KCNIP1: variants seen among roughly 807,000 people sequenced by gnomAD.
KCNIP1 encodes A-type potassium channel modulatory protein KCNIP1.
A neutral mutation model predicts 33.0 loss-of-function variants in KCNIP1; 18 were observed. The observed-to-expected ratio is 0.55, with a 90% confidence interval of 0.38 to 0.81. The LOEUF (loss-of-function observed/expected upper bound fraction) is 0.81. Among genes scored for constraint, KCNIP1 ranks in the 30% least tolerant of loss-of-function variants. The pLI is 0.00. For synonymous variants in KCNIP1, 93 were observed against 98.3 expected, an observed-to-expected ratio of 0.95 and a Z score of 0.32; for missense variants, 238 against 271.6, an observed-to-expected ratio of 0.88 and a Z score of 0.87.
At chr5:170,671,102 C>T (rs981955237) in intron 1 of KCNIP1, among the ~76,000 whole-genome samples, 8 of 152,038 alleles carry the variant, frequency 5.3e-5, no homozygotes, top group Admixed American at 5.2e-4. Context: ...ACCTTGTCCC[C>T]CATTCTGTTC....
At chr5:170,505,252 G>C (rs1455490375) in intron 1 of KCNIP1, among the ~76,000 whole-genome samples, 1 of 152,164 alleles carries the variant, frequency 6.6e-6, no homozygotes, top group Non-Finnish European at 1.5e-5. Flanking sequence ...GCATAATATC[G>C]TGGAGTCTCT....
intron 2 of KCNIP1, 51 bp from the exon 3 acceptor site, chr5:170,720,267 TCTC>T (rs1561782926): frequency 3.1e-6 from 4 of 1,306,832 alleles, no homozygotes; most frequent in African/African-American, 1.5e-5. Flanking sequence ...GGCCCAGTCT[TCTC>T]CTAGTGCTGG....
At chr5:170,371,157 C>A (rs565051769) in intron 1 of KCNIP1, among the ~76,000 whole-genome samples, 1 of 152,202 alleles carries the variant, frequency 6.6e-6, no homozygotes, top group East Asian at 1.9e-4. Flanking sequence ...AGGATCGCTG[C>A]AACCATGGTG....
chr5:170,625,213 A>G (rs1249779310), intron 1 of KCNIP1, among the ~76,000 whole-genome samples: 1 of 152,068 alleles, frequency 6.6e-6, no homozygotes, highest in Admixed American at 6.5e-5. Flanking sequence ...CAGGAAAGTC[A>G]CAAACCCTTG....
intron 1 of KCNIP1, among the ~76,000 whole-genome samples, chr5:170,437,976 C>T (rs966108568): frequency 6.6e-5 from 10 of 152,222 alleles, no homozygotes; most frequent in Non-Finnish European, 1.0e-4. Flanking sequence ...CATTCCTAGC[C>T]TTGGTCCCTC....
At chr5:170,602,980 T>C (rs1178060178) in intron 1 of KCNIP1, among the ~76,000 whole-genome samples, 2 of 152,118 alleles carry the variant, frequency 1.3e-5, no homozygotes, top group Non-Finnish European at 2.9e-5. Context: ...GGATGGCAGA[T>C]CAGAAAGAGA....
At chr5:170,475,894 G>C (rs1240526578) in intron 1 of KCNIP1, among the ~76,000 whole-genome samples, 1 of 152,102 alleles carries the variant, frequency 6.6e-6, no homozygotes, top group Non-Finnish European at 1.5e-5. Flanking sequence ...TCAGGAGTAG[G>C]TTGAGGGGTG....
chr5:170,521,788 C>A (rs1755372443), intron 1 of KCNIP1, among the ~76,000 whole-genome samples: 1 of 152,202 alleles, frequency 6.6e-6, no homozygotes, highest in African/African-American at 2.4e-5. Flanking sequence ...TTTAGGGTAA[C>A]CCTAGCTGCT....
intron 1 of KCNIP1, among the ~76,000 whole-genome samples, chr5:170,673,434 G>A (rs1489397642): frequency 1.3e-5 from 2 of 152,206 alleles, no homozygotes; most frequent in Non-Finnish European, 2.9e-5. Context: ...CCAACACAAC[G>A]ATACAGTGAC....
intron 1 of KCNIP1, among the ~76,000 whole-genome samples, chr5:170,665,639 A>G (rs1303428039): frequency 1.3e-5 from 2 of 152,228 alleles, no homozygotes; most frequent in African/African-American, 2.4e-5. Context: ...GCTCAAGTCC[A>G]TACTTAACTC....
intron 1 of KCNIP1, among the ~76,000 whole-genome samples, chr5:170,394,382 C>T (rs1561603805): frequency 1.3e-5 from 2 of 152,178 alleles, no homozygotes; most frequent in African/African-American, 4.8e-5. Flanking sequence ...AAATCAGGGA[C>T]TGGAACCGTT....
At chr5:170,677,835 A>T (rs1762202772) in intron 1 of KCNIP1, among the ~76,000 whole-genome samples, 1 of 152,196 alleles carries the variant, frequency 6.6e-6, no homozygotes, top group Non-Finnish European at 1.5e-5. Flanking sequence ...GGGGAAAAAA[A>T]AATGCCTGTC....
chr5:170,629,220 G>A (rs1759955520), intron 1 of KCNIP1, among the ~76,000 whole-genome samples: 1 of 152,238 alleles, frequency 6.6e-6, no homozygotes, highest in Admixed American at 6.5e-5. Context: ...GTAGGGGGCT[G>A]TAAGGGACGG....
At chr5:170,641,151 G>A (rs931313263) in intron 1 of KCNIP1, among the ~76,000 whole-genome samples, 5 of 152,150 alleles carry the variant, frequency 3.3e-5, no homozygotes, top group South Asian at 2.1e-4. Flanking sequence ...CTTCATGCTC[G>A]TGGCACTTTG....
At chr5:170,615,345 CCAAA>C (rs1311765535) in intron 1 of KCNIP1, among the ~76,000 whole-genome samples, 9 of 152,222 alleles carry the variant, frequency 5.9e-5, no homozygotes, top group African/African-American at 1.9e-4. Flanking sequence ...TCCAAAAGCA[CCAAA>C]CAGTTTCATT....
chr5:170,550,750 GTGA>G (rs1472028829), intron 1 of KCNIP1, among the ~76,000 whole-genome samples: 33 of 152,112 alleles, frequency 2.2e-4, no homozygotes, highest in East Asian at 1.5e-3. Flanking sequence ...GATGATGATG[GTGA>G]TGATGATGAC....
intron 1 of KCNIP1, among the ~76,000 whole-genome samples, chr5:170,663,034 T>A (rs1304147406): frequency 6.6e-6 from 1 of 152,158 alleles, no homozygotes. Context: ...AGAGGCCACC[T>A]CACCACTTCT....
intron 1 of KCNIP1, among the ~76,000 whole-genome samples, chr5:170,594,903 CA>C (rs1157486132): frequency 6.6e-6 from 1 of 152,208 alleles, no homozygotes; most frequent in Non-Finnish European, 1.5e-5. Context: ...CTGCATGTGG[CA>C]AACATTACCC....
intron 1 of KCNIP1, among the ~76,000 whole-genome samples, chr5:170,602,943 C>T (rs1758753538): frequency 6.6e-6 from 1 of 152,212 alleles, no homozygotes; most frequent in Non-Finnish European, 1.5e-5. Flanking sequence ...AGCACACTCT[C>T]CTCCCCTGGC....
Sources: allele counts gnomAD v4.1 joint callset (sites outside exome capture counted in the v4.1 genomes callset), GRCh38; gene constraint gnomAD v4.1.1; transcripts MANE v1.5; gene names NCBI Gene and HGNC (gene_info 2026-07-23, HGNC 2026-07-21).